Variants in TYW1B observed in about 807,000 individuals in gnomAD.
TYW1B encodes the protein tRNA-yW synthesizing protein 1 homolog B, also known as S-adenosyl-L-methionine-dependent tRNA 4-demethylwyosine synthase TYW1B.
A neutral mutation model predicts 86.9 loss-of-function variants in TYW1B; 73 were observed. That is an observed-to-expected ratio of 0.84 (90% CI 0.70 to 1.02). The LOEUF is 1.02. TYW1B is among the 50% of genes least tolerant of loss of function. The probability of loss-of-function intolerance (pLI) is 0.00; values close to 1 mark genes in which losing one functional copy is unlikely to be tolerated. For synonymous variants in TYW1B, 248 were observed against 292.8 expected, an observed-to-expected ratio of 0.85 and a Z score of 1.56; for missense variants, 637 against 827.4, an observed-to-expected ratio of 0.77 and a Z score of 2.82.
At chr7:72,735,373 C>T (rs546574318) in intron 8 of TYW1B, among the ~76,000 whole-genome samples, 1 of 152,104 alleles carries the variant, frequency 6.6e-6, no homozygotes, top group Non-Finnish European at 1.5e-5. Context: ...AGTTTGAAGC[C>T]AGCCTGGCCA....
chr7:72,767,907 T>A (rs1787799232), intron 7 of TYW1B, among the ~76,000 whole-genome samples: 1 of 152,016 alleles, frequency 6.6e-6, no homozygotes, highest in Non-Finnish European at 1.5e-5. Context: ...CTCACACCAT[T>A]CATAAAAATT....
chr7:72,761,843 C>T (rs1787690967), intron 7 of TYW1B, among the ~76,000 whole-genome samples: 1 of 151,122 alleles, frequency 6.6e-6, no homozygotes, highest in South Asian at 2.1e-4. Flanking sequence ...ACTAAAATGA[C>T]TGCTTATTTA....
chr7:72,632,473 A>G (rs1244443180), intron 11 of TYW1B, among the ~76,000 whole-genome samples: 1 of 128,196 alleles, frequency 7.8e-6, no homozygotes, highest in Non-Finnish European at 1.6e-5. Flanking sequence ...ATATATATAT[A>G]AAATATATAT....
chr7:72,777,160 C>T (rs1405384582), intron 7 of TYW1B, among the ~76,000 whole-genome samples: 3 of 152,236 alleles, frequency 2.0e-5, no homozygotes, highest in Non-Finnish European at 4.4e-5. Context: ...TAATAGCTTT[C>T]CCAATGACAG....
chr7:72,729,062 T>A, intron 8 of TYW1B, 131 bp from the exon 9 acceptor site: 2 of 736,394 alleles, frequency 2.7e-6, no homozygotes, highest in Non-Finnish European at 4.5e-6. Context: ...TTCAACCACG[T>A]ATAGTGGTAT....
At chr7:72,791,902 G>A (rs549560160) in intron 6 of TYW1B, among the ~76,000 whole-genome samples, 20 of 152,260 alleles carry the variant, frequency 1.3e-4, no homozygotes, top group Non-Finnish European at 2.5e-4. Flanking sequence ...AGCTCTGTGC[G>A]TTTTTCTAGC....
chr7:72,584,801 T>C (rs1404223488), intron 13 of TYW1B, among the ~76,000 whole-genome samples: 2 of 152,092 alleles, frequency 1.3e-5, no homozygotes, highest in African/African-American at 4.8e-5. Context: ...TGGCATTCAG[T>C]CTAAACAATG....
chr7:72,577,003 T>C (rs1378656181), intron 13 of TYW1B, among the ~76,000 whole-genome samples: 2 of 151,930 alleles, frequency 1.3e-5, no homozygotes, highest in Non-Finnish European at 2.9e-5. Context: ...GGTGTGTGCA[T>C]GTAATCCCAG....
intron 11 of TYW1B, among the ~76,000 whole-genome samples, chr7:72,693,295 G>A (rs538027513): frequency 3.9e-5 from 6 of 152,108 alleles, no homozygotes; most frequent in Middle Eastern, 3.4e-3. Flanking sequence ...CCAAATGTTT[G>A]CAGAAAATGA....
At chr7:72,827,963 C>T (rs548675450) in intron 1 of TYW1B, 109 bp downstream of exon 1, 2 of 1,567,790 alleles carry the variant, frequency 1.3e-6, no homozygotes, top group African/African-American at 2.7e-5. Flanking sequence ...TCAAGTGCAA[C>T]AGTCTCCGAA....
intron 3 of TYW1B, among the ~76,000 whole-genome samples, chr7:72,811,434 T>G (rs1265480079): frequency 1.3e-5 from 2 of 151,994 alleles, no homozygotes; most frequent in African/African-American, 2.4e-5. Context: ...ACTGCTTCCT[T>G]AGAGTGGAAG....
At chr7:72,595,232 A>G (rs551382893) in intron 13 of TYW1B, among the ~76,000 whole-genome samples, 2 of 152,372 alleles carry the variant, frequency 1.3e-5, no homozygotes, top group Admixed American at 1.3e-4. Context: ...TGTTATATGT[A>G]GAAAATTATA....
intron 7 of TYW1B, among the ~76,000 whole-genome samples, chr7:72,767,120 G>A (rs1162076563): frequency 6.6e-6 from 1 of 151,868 alleles, no homozygotes; most frequent in African/African-American, 2.4e-5. Context: ...AAATGAAAAA[G>A]ACTCTACAAA....
At chr7:72,638,476 T>A (rs1464337005) in intron 11 of TYW1B, among the ~76,000 whole-genome samples, 1 of 152,164 alleles carries the variant, frequency 6.6e-6, no homozygotes, top group Admixed American at 6.5e-5. Context: ...CACCCATTCA[T>A]AATAAAAACT....
intron 13 of TYW1B, among the ~76,000 whole-genome samples, chr7:72,584,110 A>C (rs1334327020): frequency 6.6e-6 from 1 of 152,218 alleles, no homozygotes; most frequent in Admixed American, 6.5e-5. Flanking sequence ...GCAGTTGTGC[A>C]ATCATAGCTC....
At chr7:72,767,355 C>A (rs1208799443) in intron 7 of TYW1B, among the ~76,000 whole-genome samples, 5 of 152,084 alleles carry the variant, frequency 3.3e-5, no homozygotes, top group African/African-American at 1.2e-4. Context: ...ATCTGTAATA[C>A]CAGCACTTTG....
chr7:72,590,334 C>A (rs1811368613), intron 13 of TYW1B, among the ~76,000 whole-genome samples: 2 of 152,188 alleles, frequency 1.3e-5, no homozygotes, highest in Non-Finnish European at 2.9e-5. Context: ...GCAATAAGAA[C>A]ACTGTCTTCA....
chr7:72,630,692 A>G (rs1563037680), intron 11 of TYW1B, among the ~76,000 whole-genome samples: 2 of 152,174 alleles, frequency 1.3e-5, no homozygotes, highest in African/African-American at 2.4e-5. Context: ...TTTTCCAAGC[A>G]TATTTACTCA....
intron 7 of TYW1B, among the ~76,000 whole-genome samples, chr7:72,774,368 C>T (rs563630274): frequency 3.6e-5 from 5 of 138,876 alleles, no homozygotes; most frequent in South Asian, 2.4e-4. Flanking sequence ...AGTAACTTAA[C>T]CTTGTCCCAG....
Sources: gnomAD v4.1 joint callset for allele counts (sites outside exome capture counted in the v4.1 genomes callset) on GRCh38, gnomAD v4.1.1 for gene constraint, MANE v1.5 for transcripts, NCBI Gene and HGNC (gene_info 2026-07-23, HGNC 2026-07-21) for gene names.